The following TFDP1 variants were observed in gnomAD, a reference collection of about 807,000 sequenced individuals.
The protein encoded by TFDP1 is transcription factor Dp-1.
In TFDP1, 6 loss-of-function variants were observed where a neutral mutation model predicts 48.0. The observed-to-expected ratio is 0.13, with a 90% CI of 0.07 to 0.25. TFDP1 has a LOEUF of 0.25. TFDP1 is among the 10% of genes least tolerant of loss of function. TFDP1 has a pLI of 1.00. For missense variants in TFDP1, 335 were observed against 543.0 expected (o/e 0.62, Z 3.81); for synonymous variants, 201 against 211.6 (o/e 0.95, Z 0.44).
intron 2 of TFDP1, among the ~76,000 whole-genome samples, chr13:113,591,009 C>G (rs1164202673): frequency 1.7e-5 from 1 of 59,858 alleles, no homozygotes; most frequent in Non-Finnish European, 3.0e-5. Context: ...GACTCTGTCT[C>G]AAAAAAAAAA....
intron 3 of TFDP1, among the ~76,000 whole-genome samples, chr13:113,613,893 A>G (rs1191785172): frequency 1.4e-5 from 2 of 142,748 alleles, no homozygotes; most frequent in African/African-American, 5.3e-5. Context: ...ATGTGAGTGT[A>G]CCTGTGAGTT....
chr13:113,620,482 A>G (rs2140463544), intron 3 of TFDP1, among the ~76,000 whole-genome samples: 1 of 152,348 alleles, frequency 6.6e-6, no homozygotes, highest in East Asian at 1.9e-4. Flanking sequence ...ATTTTAAAAG[A>G]TGTTATCTTT....
chr13:113,619,481 C>CAAAAAAAAAAAAAA, intron 3 of TFDP1, among the ~76,000 whole-genome samples: 1 of 110,476 alleles, frequency 9.1e-6, no homozygotes, highest in Non-Finnish European at 2.0e-5. Context: ...AAAAAAAAAA[C>CAAAAAAAAAAAAAA]AAAAAAAAAA....
intron 2 of TFDP1, among the ~76,000 whole-genome samples, chr13:113,606,918 C>T (rs528380332): frequency 6.6e-6 from 1 of 152,288 alleles, no homozygotes; most frequent in Non-Finnish European, 1.5e-5. Context: ...GATTTCCTGT[C>T]TTACAGCCTC....
At chr13:113,606,367 C>T (rs2048571670) in intron 2 of TFDP1, among the ~76,000 whole-genome samples, 1 of 152,148 alleles carries the variant, frequency 6.6e-6, no homozygotes, top group Non-Finnish European at 1.5e-5. Flanking sequence ...TGGGAGTCCA[C>T]CATCAAGGCC....
chr13:113,610,351 A>G (rs774152862), intron 2 of TFDP1, among the ~76,000 whole-genome samples: 2 of 150,318 alleles, frequency 1.3e-5, no homozygotes, highest in Non-Finnish European at 3.0e-5. Context: ...GTGTGCCCCC[A>G]CCGTGTGCTG....
chr13:113,609,689 C>A (rs2048658940), intron 2 of TFDP1, among the ~76,000 whole-genome samples: 1 of 151,892 alleles, frequency 6.6e-6, no homozygotes, highest in Admixed American at 6.6e-5. Flanking sequence ...CTGACTGTTA[C>A]CTGGGTGGCA....
chr13:113,631,804 G>A (rs911457228), intron 5 of TFDP1, 60 bp downstream of exon 5: 30 of 1,596,850 alleles, frequency 1.9e-5, no homozygotes, highest in African/African-American at 5.4e-5. Context: ...GCACCTCCAC[G>A]TTCTCCTGGG....
chr13:113,609,075 C>CGT (rs1399646478), intron 2 of TFDP1, among the ~76,000 whole-genome samples: 3 of 152,248 alleles, frequency 2.0e-5, no homozygotes, highest in African/African-American at 7.2e-5. Context: ...TTCCTGGTGT[C>CGT]GTATGTTTGT....
chr13:113,626,354 G>A (rs186453766), intron 4 of TFDP1, among the ~76,000 whole-genome samples: 71 of 152,276 alleles, frequency 4.7e-4, no homozygotes, highest in South Asian at 2.7e-3. Context: ...ATGCATTCCT[G>A]CTATTTCCGT....
chr13:113,596,368 C>T (rs909183940), intron 2 of TFDP1, among the ~76,000 whole-genome samples: 5 of 152,242 alleles, frequency 3.3e-5, no homozygotes, highest in African/African-American at 9.6e-5. Flanking sequence ...CCTTTGACTC[C>T]GGGAGTCGTT....
chr13:113,638,955 G>T (rs1345055255), intron 11 of TFDP1, among the ~76,000 whole-genome samples: 1 of 152,206 alleles, frequency 6.6e-6, no homozygotes, highest in African/African-American at 2.4e-5. Flanking sequence ...TTGAGCCTGC[G>T]TTGGGATGTG....
In TFDP1 at chr13:113,607,667, C is replaced by T. The variant is rs186496912; in HGVS notation, c.13-3329C>T. ...CCCACCTTAGACTTCCTGGAAGGGCCGCCCGGGTCCACAACCTGGCCCGTT... is the reference window on the plus strand; with the variant it reads ...CCCACCTTAGACTTCCTGGAAGGGCTGCCCGGGTCCACAACCTGGCCCGTT... On this transcript the variant is annotated intron_variant, in intron 2 of 11. Transcript: ENST00000375370. The surrounding 1 kb of genome is among the most constrained non-coding windows in gnomAD (Gnocchi z 5.2). 1.3e-5 allele frequency among the ~76,000 whole-genome samples: 2 copies of T among 152,300 alleles called. No individual in the cohort carries two copies. Among genetic ancestry groups the T allele is most frequent in the African/African-American group, 4.8e-5 (2 of 41,570 alleles).
intron 2 of TFDP1, among the ~76,000 whole-genome samples, chr13:113,600,445 C>CGT (rs58253087): frequency 2.4e-4 from 36 of 150,202 alleles, no homozygotes; most frequent in African/African-American, 8.3e-4. Context: ...AACCCTTGCA[C>CGT]ATAGGGCTCC....
At chr13:113,625,320 TTCTCAGGCGTCTCTCACGTGTC>T (rs2049117967) in intron 4 of TFDP1, among the ~76,000 whole-genome samples, 6 of 78,870 alleles carry the variant, frequency 7.6e-5, no homozygotes, top group African/African-American at 4.1e-4. Context: ...CCTCACGTGT[TTCTCAGGCGTCTCTCACGTGTC>T]CTCAGGCGTC....
chr13:113,585,749 T>G (rs2047987244), intron 1 of TFDP1, 25 bp from the exon 2 acceptor site: 1 of 1,299,296 alleles, frequency 7.7e-7, no homozygotes. Context: ...TTGTTTTTCC[T>G]TACTTTTTTT....
intron 1 of TFDP1, chr13:113,585,534 G>T (rs2047980318): frequency 3.6e-6 from 1 of 279,728 alleles, no homozygotes; most frequent in Non-Finnish European, 6.8e-6. Context: ...GGGGACCTGG[G>T]GGTAGTGGTG....
At chr13:113,586,123 G>T (rs997600405) in intron 2 of TFDP1, 1 of 352,288 alleles carries the variant, frequency 2.8e-6, no homozygotes, top group Non-Finnish European at 5.1e-6. Context: ...TTTACCGACT[G>T]TGTTAATTGA....
chr13:113,610,381 C>T (rs2048679737), intron 2 of TFDP1, among the ~76,000 whole-genome samples: 2 of 151,912 alleles, frequency 1.3e-5, no homozygotes, highest in South Asian at 4.2e-4. Flanking sequence ...ACGTGTGACC[C>T]CGCTGTGTGG....
Sources: gnomAD v4.1 joint callset for allele counts (sites outside exome capture counted in the v4.1 genomes callset) on GRCh38, gnomAD v4.1.1 for gene constraint, Gnocchi (gnomAD v3.1) non-coding constraint, MANE v1.5 for transcripts, NCBI Gene and HGNC (gene_info 2026-07-23, HGNC 2026-07-21) for gene names.